PTTG1IP2: variants seen among roughly 807,000 people sequenced by gnomAD.
PTTG1IP2 encodes PTTG1IP family member 2.
At chr7:90,506,683 C>A (rs1466684329) in intron 6 of PTTG1IP2, among the ~76,000 whole-genome samples, 2 of 152,134 alleles carry the variant, frequency 1.3e-5, no homozygotes, top group Non-Finnish European at 2.9e-5. Flanking sequence ...AGGAGGATGG[C>A]TTGAGCTGGA....
At position 90,487,328 on chromosome 7, in the gene PTTG1IP2, G is replaced by A. The variant is rs9649149; in HGVS notation, c.194G>A (p.Cys65Tyr). Residue 65 changes from cysteine (C) to tyrosine (Y), a missense_variant and splice_region_variant, in exon 3 of 7, where the codon TGT (cysteine) becomes TAT (tyrosine). By Grantham distance (194) the Cys-to-Tyr change is radical (BLOSUM62 -2). Transcript: ENST00000509356. ...TTATTTTTCTCTTTCCAAATATAGT[G>A]TGTTTGGTGTAGTGAAGAAAAAGCA... ...SCQLCTEDKK[C>Y]VWCSEEKACK... 1.3e-5 allele frequency: 2 copies of A among 152,556 alleles called. No individual in the cohort carries two copies. Among genetic ancestry groups the A allele is most frequent in the African/African-American group, 2.4e-5 (1 of 41,418 alleles). 9.5% of individuals were successfully genotyped at this position (152,556 alleles called of 1,614,324 possible).
At chr7:90,499,299 A>G (rs1451807230) in intron 6 of PTTG1IP2, among the ~76,000 whole-genome samples, 5 of 152,366 alleles carry the variant, frequency 3.3e-5, no homozygotes, top group East Asian at 1.9e-4. Flanking sequence ...TGCAACGGAA[A>G]TTCACAAATC....
chr7:90,492,514 A>T (rs572029595), intron 5 of PTTG1IP2, among the ~76,000 whole-genome samples: 4 of 152,306 alleles, frequency 2.6e-5, no homozygotes, highest in East Asian at 3.9e-4. Flanking sequence ...TGCATTGCAT[A>T]CATATTGCGC....
chr7:90,475,986 A>G (rs1013730381), intron 1 of PTTG1IP2, among the ~76,000 whole-genome samples: 4 of 152,114 alleles, frequency 2.6e-5, no homozygotes, highest in Non-Finnish European at 4.4e-5. Context: ...GTTTTGAAGA[A>G]AAGAAAATGG....
intron 2 of PTTG1IP2, among the ~76,000 whole-genome samples, chr7:90,485,677 A>G (rs1328435278): frequency 2.0e-5 from 3 of 152,236 alleles, no homozygotes; most frequent in African/African-American, 4.8e-5. Context: ...CTGAGCCCCA[A>G]CCAGAGAGAG....
intron 2 of PTTG1IP2, among the ~76,000 whole-genome samples, chr7:90,483,010 A>T (rs1362199577): frequency 6.6e-6 from 1 of 152,100 alleles, no homozygotes; most frequent in Admixed American, 6.6e-5. Flanking sequence ...CCACAAAGAG[A>T]TGCTCACTTT....
chr7:90,475,649 TA>T (rs2116047297), intron 1 of PTTG1IP2, among the ~76,000 whole-genome samples: 2 of 152,162 alleles, frequency 1.3e-5, no homozygotes, highest in Middle Eastern at 3.4e-3. Flanking sequence ...AGGAACTAAT[TA>T]AAGAAAAATA....
intron 2 of PTTG1IP2, among the ~76,000 whole-genome samples, chr7:90,486,467 C>CTT (rs532687452): frequency 0.011 from 1,348 of 119,176 alleles, 15 homozygotes; most frequent in Middle Eastern, 0.022. Flanking sequence ...CTTTGTCTTC[C>CTT]TTTTTTTTTT....
chr7:90,491,574 G>A (rs1797938433), intron 4 of PTTG1IP2, among the ~76,000 whole-genome samples: 3 of 150,292 alleles, frequency 2.0e-5, no homozygotes, highest in African/African-American at 7.4e-5. Context: ...AGTGAGCTGA[G>A]ATCACACCAC....
At chr7:90,478,022 G>A (rs547179746) in intron 1 of PTTG1IP2, among the ~76,000 whole-genome samples, 1 of 150,908 alleles carries the variant, frequency 6.6e-6, no homozygotes, top group Non-Finnish European at 1.5e-5. Context: ...GCGTGAACCT[G>A]GGAGGCGGAG....
rs374983367 is a variant in PTTG1IP2 at position 90,484,071 on chromosome 7, TTAAC to T, written c.193-3252_193-3249del. Among the ~76,000 whole-genome samples, 95 of 152,184 alleles carry T rather than the reference TTAAC, an allele frequency of 6.2e-4. 1 individual carries two copies. Among genetic ancestry groups the T allele is most frequent in the African/African-American group, 2.2e-3 (93 of 41,558 alleles). ...AAATCACATCATGCTCAAAATTTCT[TTAAC>T]TAAGTTTATAATTTTGCCTTCCCCA... On this transcript the variant is annotated intron_variant, in intron 2 of 6. Transcript: ENST00000509356.
chr7:90,470,063 TA>T (rs2116032644), intron 1 of PTTG1IP2, 132 bp downstream of exon 1: 1 of 152,724 alleles, frequency 6.5e-6, no homozygotes, highest in Admixed American at 6.5e-5. Flanking sequence ...GAAGACATTT[TA>T]AAGGTTCTAG....
chr7:90,507,583 CAAGA>C (rs1798138123), intron 6 of PTTG1IP2, among the ~76,000 whole-genome samples: 1 of 152,048 alleles, frequency 6.6e-6, no homozygotes, highest in Non-Finnish European at 1.5e-5. Flanking sequence ...AGGAGCCAGG[CAAGA>C]TAGGGCCATG....
chr7:90,487,957 G>T (rs10271076), intron 3 of PTTG1IP2, among the ~76,000 whole-genome samples: 263 of 152,132 alleles, frequency 1.7e-3, no homozygotes, highest in African/African-American at 5.9e-3. Flanking sequence ...TCTACACTGA[G>T]AATTGCTATT....
intron 6 of PTTG1IP2, among the ~76,000 whole-genome samples, chr7:90,495,716 GT>G (rs1482694558): frequency 6.6e-6 from 1 of 152,178 alleles, no homozygotes; most frequent in Non-Finnish European, 1.5e-5. Flanking sequence ...CAGTTTTAAA[GT>G]TTAGTAGAGT....
At chr7:90,497,715 TAAAAAAAAAAAA>T (rs1261744146) in intron 6 of PTTG1IP2, among the ~76,000 whole-genome samples, 1 of 56,316 alleles carries the variant, frequency 1.8e-5, no homozygotes, top group Non-Finnish European at 3.2e-5. Context: ...AGACCCTGTA[TAAAAAAAAAAAA>T]AAAAAAAAAA....
chr7:90,480,127 C>T (rs1407811389), intron 2 of PTTG1IP2, among the ~76,000 whole-genome samples: 3 of 151,920 alleles, frequency 2.0e-5, no homozygotes, highest in Non-Finnish European at 4.4e-5. Context: ...GATACGTGAC[C>T]TGCCTTCCTC....
intron 6 of PTTG1IP2, among the ~76,000 whole-genome samples, chr7:90,501,947 A>C (rs1038435120): frequency 6.6e-6 from 1 of 152,172 alleles, no homozygotes; most frequent in Non-Finnish European, 1.5e-5. Context: ...ATTCTCTCAC[A>C]CCATGATGTT....
intron 4 of PTTG1IP2, among the ~76,000 whole-genome samples, chr7:90,490,649 A>G (rs190892583): frequency 7.2e-5 from 11 of 152,264 alleles, no homozygotes; most frequent in Non-Finnish European, 1.3e-4. Context: ...AGAAGAACCA[A>G]TAGGGCACAT....
Sources: gnomAD v4.1 joint callset for allele counts (sites outside exome capture counted in the v4.1 genomes callset) on GRCh38, gnomAD v4.1.1 for gene constraint, MANE v1.5 for transcripts, NCBI Gene and HGNC (gene_info 2026-07-23, HGNC 2026-07-21) for gene names.